The following MTSS1 variants were observed in gnomAD, a reference collection of about 807,000 sequenced individuals.
The protein encoded by MTSS1 is MTSS I-BAR domain containing 1, also known as protein MTSS 1.
A neutral mutation model predicts 79.0 loss-of-function variants in MTSS1; 18 were observed. The observed-to-expected ratio is 0.23, with a 90% CI of 0.16 to 0.34. MTSS1 has a LOEUF of 0.34. MTSS1 is among the 10% of genes least tolerant of loss of function. MTSS1 has a pLI of 1.00. For synonymous variants in MTSS1, 341 were observed against 368.6 expected (o/e 0.93, Z 0.86); for missense variants, 815 against 986.2 (o/e 0.83, Z 2.33).
At chr8:124,587,107 C>T (rs910424394) in intron 5 of MTSS1, among the ~76,000 whole-genome samples, 3 of 152,206 alleles carry the variant, frequency 2.0e-5, no homozygotes, top group Non-Finnish European at 4.4e-5. Context: ...GCACCGGCTC[C>T]TCACACAGAC....
intron 3 of MTSS1, among the ~76,000 whole-genome samples, chr8:124,648,202 C>T (rs746585504): frequency 3.3e-5 from 5 of 152,050 alleles, no homozygotes; most frequent in Non-Finnish European, 7.4e-5. Context: ...CAGAGTTGCT[C>T]CAAAGATTAT....
intron 6 of MTSS1, among the ~76,000 whole-genome samples, chr8:124,578,230 C>T (rs1328748753): frequency 1.3e-5 from 2 of 152,076 alleles, no homozygotes; most frequent in African/African-American, 4.8e-5. Context: ...GCACACAGTC[C>T]ACCCTTGGTG....
intron 3 of MTSS1, among the ~76,000 whole-genome samples, chr8:124,642,990 A>G (rs1749002519): frequency 6.6e-6 from 1 of 152,250 alleles, no homozygotes; most frequent in African/African-American, 2.4e-5. Flanking sequence ...AGAACTAACA[A>G]TAACAGACTT....
chr8:124,561,197 C>T lies in MTSS1; in HGVS notation c.1035+1585G>A, dbSNP rs1033205672. Among the ~76,000 whole-genome samples the T allele has an allele frequency of 7.9e-5, 12 of 152,254 alleles. No homozygotes were observed. The East Asian group carries it at 1.2e-3, about 15-fold the overall frequency. ...CTGTAATTCCAGAATTTTGGGAGAC[C>T]GAGGTGGGCGGATCACCTGAGGTCA... On this transcript the variant is annotated intron_variant, in intron 10 of 13. Coordinates refer to ENST00000518547, the MANE Select transcript of MTSS1 (RefSeq NM_014751.6).
At chr8:124,601,639 C>T (rs550583684) in intron 3 of MTSS1, among the ~76,000 whole-genome samples, 18 of 152,324 alleles carry the variant, frequency 1.2e-4, no homozygotes, top group Admixed American at 6.5e-4. Flanking sequence ...ACCTTGACGG[C>T]GGGCTGGAGG....
At chr8:124,593,166 T>C (rs1050823533) in intron 3 of MTSS1, among the ~76,000 whole-genome samples, 1 of 152,208 alleles carries the variant, frequency 6.6e-6, no homozygotes, top group African/African-American at 2.4e-5. Context: ...CTCTCCAAGT[T>C]CTGAGCTTTT....
intron 3 of MTSS1, among the ~76,000 whole-genome samples, chr8:124,669,813 A>T (rs1349951664): frequency 6.6e-6 from 1 of 152,188 alleles, no homozygotes; most frequent in Non-Finnish European, 1.5e-5. Flanking sequence ...GCTACAGAAC[A>T]CTAGAGGAAT....
At chr8:124,611,934 A>AC (rs1182449956) in intron 3 of MTSS1, among the ~76,000 whole-genome samples, 5 of 152,194 alleles carry the variant, frequency 3.3e-5, no homozygotes, top group Non-Finnish European at 7.3e-5. Context: ...ACCAAAGCTT[A>AC]CCCCAGGGAC....
rs1301022518 is a variant in MTSS1 at position 124,591,040 on chromosome 8, G to A, written c.293+111C>T. On this transcript the variant is annotated intron_variant, in intron 4 of 13. Coordinates refer to ENST00000518547, the MANE Select transcript of MTSS1 (RefSeq NM_014751.6). Reference sequence around the variant, plus strand: ...CTAACAATACTCAGGCAATGAATGAGCCAAGTCAGACAGATTGTGGGGATT... The same window carrying A: ...CTAACAATACTCAGGCAATGAATGAACCAAGTCAGACAGATTGTGGGGATT... 4 of 923,122 alleles carry A rather than the reference G, an allele frequency of 4.3e-6. No homozygotes were observed. In the East Asian group the frequency reaches 7.4e-5, roughly 17 times the overall value. 57.2% of individuals were successfully genotyped at this position (923,122 alleles called of 1,614,324 possible).
intron 1 of MTSS1, among the ~76,000 whole-genome samples, chr8:124,717,020 C>G (rs1168614820): frequency 1.4e-5 from 2 of 142,920 alleles, no homozygotes; most frequent in African/African-American, 5.5e-5. Context: ...AAAAAAAAAA[C>G]TGGACGCAAC....
rs761691189 is a variant in MTSS1, at chr8:124,727,922, G to A, written c.34C>T (p.Leu12Phe). Residue 12 changes from leucine (L) to phenylalanine (F), a missense_variant, in exon 1 of 14, where the codon CTC (leucine) becomes TTC (phenylalanine). Around this residue, in one of 2 missense-constraint regions of MTSS1, gnomAD observed 225 missense variants for 365.4 expected, o/e 0.62. Transcript: ENST00000518547. This position sits in a 1 kb window ranked among gnomAD's most constrained non-coding sequence, Gnocchi z 4.7. ...EAVIEKECSA[L>F]GGLFQTIISD... The stretch of plus-strand genomic sequence containing the variant: ...ATGATGGTCTGGAAGAGGCCTCCGA[G>A]CGCGCTGCATTCCTTCTCAATCACA... 1 of 1,610,450 alleles carries A rather than the reference G, an allele frequency of 6.2e-7. No individual in the cohort carries two copies. Among genetic ancestry groups the A allele is most frequent in the Admixed American group, 1.7e-5 (1 of 59,688 alleles).
intron 3 of MTSS1, among the ~76,000 whole-genome samples, chr8:124,695,843 C>T: frequency 6.7e-6 from 1 of 150,080 alleles, no homozygotes. Context: ...TGTGTCATTC[C>T]ACATATTGTG....
chr8:124,622,761 C>G (rs986987875), intron 3 of MTSS1, among the ~76,000 whole-genome samples: 1 of 145,766 alleles, frequency 6.9e-6, no homozygotes, highest in Non-Finnish European at 1.5e-5. Context: ...CCACCGCACT[C>G]TAGCCTGGGC....
Position 124,630,931 on chromosome 8 carries a change from T to C in MTSS1, c.209-39696A>G, listed in dbSNP as rs950501556. 2.6e-5 allele frequency among the ~76,000 whole-genome samples: 4 copies of C among 152,322 alleles called. No individual in the cohort carries two copies. In the South Asian group the frequency reaches 8.3e-4, roughly 32 times the overall value. ...TGGCATTCTGAACCTGCTTGGTATA[T>C]TGCAATGCTGTGCCACCTACCAGCA... On this transcript the variant is annotated intron_variant, in intron 3 of 13. Transcript: ENST00000518547.
At chr8:124,608,087 T>A (rs1277382757) in intron 3 of MTSS1, among the ~76,000 whole-genome samples, 1 of 152,036 alleles carries the variant, frequency 6.6e-6, no homozygotes, top group Non-Finnish European at 1.5e-5. Context: ...AGCACCCTGA[T>A]GACCTTCTGA....
chr8:124,562,197 T>C (rs1825490532), intron 10 of MTSS1, among the ~76,000 whole-genome samples: 1 of 152,218 alleles, frequency 6.6e-6, no homozygotes, highest in Non-Finnish European at 1.5e-5. Flanking sequence ...ACCACTGGGC[T>C]GGGCTGGGCC....
intron 3 of MTSS1, among the ~76,000 whole-genome samples, chr8:124,666,837 A>C (rs977433391): frequency 7.2e-5 from 11 of 152,086 alleles, no homozygotes. Context: ...GGAGTTTTCA[A>C]AGAGGGAAGA....
rs943828909 is a variant in MTSS1 at position 124,596,452 on chromosome 8, T to C, written c.209-5217A>G. On this transcript the variant is annotated intron_variant, in intron 3 of 13. Transcript: ENST00000518547. ...TAAAGCAGCACAAAATCAGCCAGTATGATCTGTGGGTGATCTGTGAAGGAA... is the reference window on the plus strand; with the variant it reads ...TAAAGCAGCACAAAATCAGCCAGTACGATCTGTGGGTGATCTGTGAAGGAA... 3.3e-5 allele frequency among the ~76,000 whole-genome samples: 5 copies of C among 152,316 alleles called. No individual in the cohort carries two copies. The South Asian group carries it at 8.3e-4, about 25-fold the overall frequency.
At chr8:124,718,250 C>T (rs1395426202) in intron 1 of MTSS1, among the ~76,000 whole-genome samples, 1 of 131,324 alleles carries the variant, frequency 7.6e-6, no homozygotes, top group African/African-American at 2.8e-5. Flanking sequence ...GCTCTCAAAA[C>T]ATCTGCTAAT....
Sources: allele counts gnomAD v4.1 joint callset (sites outside exome capture counted in the v4.1 genomes callset), GRCh38; gene constraint gnomAD v4.1.1; regional missense constraint gnomAD v4.1.1; non-coding constraint Gnocchi (gnomAD v3.1); transcripts MANE v1.5; gene names NCBI Gene and HGNC (gene_info 2026-07-23, HGNC 2026-07-21).